TEX14: variants seen among roughly 807,000 people sequenced by gnomAD.
The protein encoded by TEX14 is inactive serine/threonine-protein kinase TEX14.
TEX14 carries 168 observed loss-of-function variants against 178.6 expected under a neutral mutation model. The observed-to-expected ratio is 0.94, with a 90% CI of 0.83 to 1.07. The LOEUF (loss-of-function observed/expected upper bound fraction) is 1.07, where lower values mean the gene tolerates loss of function less well. Among genes scored for constraint, TEX14 ranks in the 50% least tolerant of loss-of-function variants. The pLI is 0.00. For missense variants in TEX14, 1,730 were observed against 1,753.6 expected (o/e 0.99, Z 0.24); for synonymous variants, 626 against 634.1 (o/e 0.99, Z 0.19).
intron 1 of TEX14, among the ~76,000 whole-genome samples, chr17:58,689,132 G>A (rs1045498388): frequency 2.0e-5 from 3 of 151,912 alleles, no homozygotes; most frequent in Non-Finnish European, 4.4e-5. Context: ...GGGTTTCACC[G>A]TGTTAGCCAG....
rs997328073 is a variant in TEX14, at chr17:58,606,507, T to C, written c.1185-1378A>G. Among the ~76,000 whole-genome samples the C allele has an allele frequency of 3.9e-5, 6 of 152,292 alleles. No homozygotes were observed. In the East Asian group the frequency reaches 1.2e-3, roughly 29 times the overall value. On this transcript the variant is annotated intron_variant, in intron 10 of 31. Transcript: ENST00000349033. Reference sequence around the variant, plus strand: ...TAAATAAAGTTTCTTCCAGCAAATCTTTGGATAGAGGGCAGTGAGTTCATG... The same window carrying C: ...TAAATAAAGTTTCTTCCAGCAAATCCTTGGATAGAGGGCAGTGAGTTCATG...
chr17:58,654,095 G>A (rs1275065925), intron 1 of TEX14, among the ~76,000 whole-genome samples: 2 of 152,226 alleles, frequency 1.3e-5, no homozygotes, highest in East Asian at 1.9e-4. Context: ...GGAGAATGGC[G>A]TGAACCCGGG....
rs752271471 is a variant in TEX14 at position 58,572,107 on chromosome 17, G to A, written c.3531C>T (p.Ala1177=). ...PLSPGSVSSA[A]SQYKDCLESI... ...TTTCAAGGCAGTCTTTATACTGACT[G>A]GCAGCTGAAGAAACGGACCCTGTTG... is the stretch of plus-strand genomic sequence containing the variant. Residue 1177 remains alanine, a synonymous_variant, in exon 24 of 32, where the codon GCC becomes GCT. Transcript: ENST00000349033. The A allele has an allele frequency of 1.9e-6, 3 of 1,607,562 alleles. No homozygotes were observed. The highest frequency in any genetic ancestry group is 2.6e-6 in the Non-Finnish European group (3 of 1,174,570).
intron 1 of TEX14, among the ~76,000 whole-genome samples, chr17:58,656,531 G>A (rs934783360): frequency 3.3e-5 from 5 of 151,932 alleles, no homozygotes; most frequent in African/African-American, 9.7e-5. Context: ...TGAGGCAGGT[G>A]GATCATGAGG....
intron 10 of TEX14, among the ~76,000 whole-genome samples, chr17:58,607,993 GA>G (rs1303576340): frequency 2.0e-5 from 3 of 152,140 alleles, no homozygotes; most frequent in East Asian, 3.9e-4. Context: ...CCCACCCACA[GA>G]AAAGAAGGCT....
intron 2 of TEX14, among the ~76,000 whole-genome samples, chr17:58,646,083 GT>G (rs2046700476): frequency 6.6e-6 from 1 of 151,694 alleles, no homozygotes; most frequent in Non-Finnish European, 1.5e-5. Context: ...TACTTGGTTG[GT>G]TGAATCCACA....
At chr17:58,590,787 T>C (rs1228332726) in intron 15 of TEX14, among the ~76,000 whole-genome samples, 3 of 152,116 alleles carry the variant, frequency 2.0e-5, no homozygotes, top group African/African-American at 7.2e-5. Context: ...ATTCCTGGGC[T>C]CAAGTGATCT....
chr17:58,561,496 G>C, intron 29 of TEX14, 24 bp downstream of exon 29: 1 of 1,498,470 alleles, frequency 6.7e-7, no homozygotes, highest in Non-Finnish European at 9.3e-7. Context: ...AGAAGAAAAG[G>C]ATTCCCCTTT....
At chr17:58,691,368 T>C (rs2047716325) in intron 1 of TEX14, among the ~76,000 whole-genome samples, 2 of 151,806 alleles carry the variant, frequency 1.3e-5, no homozygotes, top group South Asian at 4.2e-4. Flanking sequence ...AAGTCAAGAC[T>C]AAGAATCATT....
Position 58,611,355 on chromosome 17 carries a change from G to T in TEX14, c.1006-16C>A. 1 of 1,582,932 alleles carries T rather than the reference G, an allele frequency of 6.3e-7. No homozygotes were observed. Among genetic ancestry groups the T allele is most frequent in the Non-Finnish European group, 8.6e-7 (1 of 1,161,770 alleles). On this transcript the variant is annotated splice_polypyrimidine_tract_variant and intron_variant, in intron 9 of 31. Transcript: ENST00000349033. ...ACTGGGACCGCTGCAAGCAAGAGAT[G>T]AAATGCCACGAAAAAAAAAAGGACT...
intron 1 of TEX14, chr17:58,666,709 G>C (rs1414902338): frequency 6.6e-6 from 1 of 152,108 alleles, no homozygotes; most frequent in Non-Finnish European, 1.5e-5. Flanking sequence ...AGGTACTTGC[G>C]TGACCCCAGC....
chr17:58,632,593 G>GA (rs1157630826), intron 2 of TEX14, among the ~76,000 whole-genome samples: 6 of 152,266 alleles, frequency 3.9e-5, no homozygotes, highest in African/African-American at 1.2e-4. Flanking sequence ...ACTTATGTGA[G>GA]AAAATACTTT....
intron 1 of TEX14, among the ~76,000 whole-genome samples, chr17:58,657,512 T>G (rs1354630270): frequency 7.4e-6 from 1 of 134,418 alleles, no homozygotes; most frequent in African/African-American, 2.8e-5. Flanking sequence ...CTTTTTTTTT[T>G]TTTTTTTTTT....
At chr17:58,676,874 T>G (rs1488537566) in intron 1 of TEX14, among the ~76,000 whole-genome samples, 2 of 152,020 alleles carry the variant, frequency 1.3e-5, no homozygotes, top group East Asian at 3.9e-4. Flanking sequence ...CTCACGCCTG[T>G]AATCCCAGTA....
intron 21 of TEX14, among the ~76,000 whole-genome samples, chr17:58,574,744 C>A (rs1487010248): frequency 6.7e-6 from 1 of 148,576 alleles, no homozygotes; most frequent in Non-Finnish European, 1.5e-5. Flanking sequence ...TGCGAGTTCT[C>A]TGACATGTCT....
chr17:58,657,462 A>G lies in TEX14; in HGVS notation c.-1-5460T>C, dbSNP rs1289211785. Among the ~76,000 whole-genome samples the G allele has an allele frequency of 3.9e-5, 5 of 128,358 alleles. No individual in the cohort carries two copies. In the Admixed American group the frequency reaches 4.1e-4, roughly 11 times the overall value. 84.2% of individuals were successfully genotyped at this position (128,358 alleles called of 152,430 possible). On this transcript the variant is annotated intron_variant, in intron 1 of 31. Coordinates refer to ENST00000349033, the MANE Select transcript of TEX14 (RefSeq NM_031272.5). ...AATAACTGGTGTTTGTGTCTTTGTC[A>G]TGTGTATATTATAATTTTGTCTGGG...
rs555474707 is a variant in TEX14, at chr17:58,619,864, G to A, written c.554+1786C>T. On this transcript the variant is annotated intron_variant, in intron 5 of 31. Transcript: ENST00000349033. ...TCCATGTAAGCATTCCATTAACCCC[G>A]TAAGAATGTTTCCTCTAATTCTAAA... 1.1e-4 allele frequency among the ~76,000 whole-genome samples: 17 copies of A among 150,636 alleles called. 1 individual carries two copies. The highest frequency in any genetic ancestry group is 3.9e-4 in the African/African-American group (16 of 41,028).
chr17:58,616,324 C>G lies in TEX14; in HGVS notation c.637-19G>C, dbSNP rs1204213296. On this transcript the variant is annotated intron_variant, in intron 6 of 31. Coordinates refer to ENST00000349033, the MANE Select transcript of TEX14 (RefSeq NM_031272.5). ...GATAAAACTGAAACCAAGGCATAGC[C>G]TCAAATTATGGGGAGAAGGGGGGAA... 6.2e-7 allele frequency: 1 copy of G among 1,607,716 alleles called. No homozygotes were observed.
At chr17:58,680,508 A>T (rs531430665) in intron 1 of TEX14, among the ~76,000 whole-genome samples, 15 of 152,176 alleles carry the variant, frequency 9.9e-5, no homozygotes, top group African/African-American at 3.6e-4. Flanking sequence ...TTGGGAGGCC[A>T]ATGCGGGCAG....
Sources: allele counts gnomAD v4.1 joint callset (sites outside exome capture counted in the v4.1 genomes callset), GRCh38; gene constraint gnomAD v4.1.1; transcripts MANE v1.5; gene names NCBI Gene and HGNC (gene_info 2026-07-23, HGNC 2026-07-21).